The following NRXN1 variants were observed in gnomAD, a reference collection of about 807,000 sequenced individuals.
NRXN1 encodes neurexin-1.
In NRXN1, 39 loss-of-function variants were observed where a neutral mutation model predicts 150.9. That is an observed-to-expected ratio of 0.26 (90% CI 0.20 to 0.34). NRXN1 has a LOEUF of 0.34. Among genes scored for constraint, NRXN1 ranks in the 10% least tolerant of loss-of-function variants. The pLI is 1.00. For missense variants in NRXN1, 1,815 were observed against 1,949.9 expected (o/e 0.93, Z 1.30); for synonymous variants, 924 against 757.0 (o/e 1.22, Z -3.62).
intron 5 of NRXN1, among the ~76,000 whole-genome samples, chr2:50,697,700 C>A (rs1227418492): frequency 6.6e-6 from 1 of 152,118 alleles, no homozygotes; most frequent in Non-Finnish European, 1.5e-5. Flanking sequence ...TTCTTCAAAT[C>A]CTCAAATAAT....
At chr2:50,647,021 C>T (rs1684914398) in intron 5 of NRXN1, among the ~76,000 whole-genome samples, 1 of 149,396 alleles carries the variant, frequency 6.7e-6, no homozygotes, top group Admixed American at 6.7e-5. Context: ...TTTGAGAGGG[C>T]AATTTTTTTT....
chr2:51,006,012 T>G (rs1239407647), intron 2 of NRXN1, among the ~76,000 whole-genome samples: 1 of 151,368 alleles, frequency 6.6e-6, no homozygotes, highest in African/African-American at 2.4e-5. Flanking sequence ...CAAAACAGAC[T>G]TTAGGTCAAA....
chr2:50,251,371 T>C (rs2067059016), intron 17 of NRXN1, among the ~76,000 whole-genome samples: 2 of 151,868 alleles, frequency 1.3e-5, no homozygotes, highest in Non-Finnish European at 2.9e-5. Context: ...TCAGTCCTTT[T>C]TATGGCTACA....
chr2:50,585,386 G>A (rs1025114257), intron 8 of NRXN1, among the ~76,000 whole-genome samples: 6 of 152,132 alleles, frequency 3.9e-5, no homozygotes, highest in African/African-American at 1.4e-4. Context: ...AGAATATGTG[G>A]TGTTGTTTAA....
chr2:50,067,248 T>C (rs1695500809), intron 19 of NRXN1, among the ~76,000 whole-genome samples: 1 of 152,224 alleles, frequency 6.6e-6, no homozygotes, highest in Admixed American at 6.5e-5. Flanking sequence ...AATTTCTTCC[T>C]TCACATCCCT....
At chr2:50,969,676 G>A (rs1244011732) in intron 2 of NRXN1, among the ~76,000 whole-genome samples, 1 of 152,106 alleles carries the variant, frequency 6.6e-6, no homozygotes, top group African/African-American at 2.4e-5. Context: ...TCTAAATTTA[G>A]GACAATTGAG....
intron 21 of NRXN1, among the ~76,000 whole-genome samples, chr2:49,978,113 GAT>G (rs1679313215): frequency 1.3e-5 from 2 of 152,100 alleles, no homozygotes; most frequent in African/African-American, 4.8e-5. Context: ...AGTGAGCTGA[GAT>G]TGCACCACCG....
At chr2:50,447,222 T>C (rs202078678) in intron 17 of NRXN1, among the ~76,000 whole-genome samples, 2 of 151,876 alleles carry the variant, frequency 1.3e-5, no homozygotes, top group African/African-American at 4.8e-5. Context: ...GCCTGTAATC[T>C]CAGCACTTTG....
chr2:50,596,637 T>C (rs1282498522), intron 8 of NRXN1, among the ~76,000 whole-genome samples: 1 of 152,180 alleles, frequency 6.6e-6, no homozygotes, highest in Admixed American at 6.5e-5. Flanking sequence ...AAGAAAGGGC[T>C]CAGCCAGGTC....
chr2:50,441,584 G>A (rs182655004), intron 17 of NRXN1, among the ~76,000 whole-genome samples: 6 of 152,140 alleles, frequency 3.9e-5, no homozygotes, highest in African/African-American at 1.4e-4. Flanking sequence ...AATAGGAAAA[G>A]AATGGGGTTG....
chr2:50,263,689 T>C (rs113129794), intron 17 of NRXN1, among the ~76,000 whole-genome samples: 1 of 152,176 alleles, frequency 6.6e-6, no homozygotes, highest in African/African-American at 2.4e-5. Flanking sequence ...ATAAAAACAA[T>C]AAGAACAATA....
chr2:50,281,148 C>CAAAAAAAAAAAAA (rs70946898), intron 17 of NRXN1, among the ~76,000 whole-genome samples: 1 of 107,144 alleles, frequency 9.3e-6, no homozygotes, highest in African/African-American at 3.4e-5. Flanking sequence ...ACTAAAAATA[C>CAAAAAAAAAAAAA]AAAAAAAAAA....
intron 17 of NRXN1, among the ~76,000 whole-genome samples, chr2:50,418,471 C>A (rs1457803996): frequency 6.6e-6 from 1 of 152,062 alleles, no homozygotes; most frequent in Non-Finnish European, 1.5e-5. Flanking sequence ...AAAGTTATTT[C>A]TTTGAGTGAC....
At chr2:50,943,561 C>T (rs892924055) in intron 2 of NRXN1, among the ~76,000 whole-genome samples, 1 of 152,116 alleles carries the variant, frequency 6.6e-6, no homozygotes, top group Non-Finnish European at 1.5e-5. Flanking sequence ...TGAATTATCA[C>T]CCTAAGCAAG....
intron 8 of NRXN1, among the ~76,000 whole-genome samples, chr2:50,601,346 T>C (rs1676234157): frequency 6.6e-6 from 1 of 152,182 alleles, no homozygotes; most frequent in Non-Finnish European, 1.5e-5. Context: ...TTTTTGAGAA[T>C]TTAACTCTTG....
At chr2:50,968,405 C>G (rs1488306617) in intron 2 of NRXN1, among the ~76,000 whole-genome samples, 1 of 152,000 alleles carries the variant, frequency 6.6e-6, no homozygotes, top group African/African-American at 2.4e-5. Context: ...TGGAAGTGAC[C>G]AAAATGAACT....
At chr2:50,509,879 G>T (rs755072443) in intron 12 of NRXN1, among the ~76,000 whole-genome samples, 2 of 152,032 alleles carry the variant, frequency 1.3e-5, no homozygotes, top group Non-Finnish European at 2.9e-5. Context: ...TGAGAAGGTG[G>T]GGCCTTCAAG....
chr2:50,290,624 G>A (rs529392232), intron 17 of NRXN1, among the ~76,000 whole-genome samples: 1 of 152,280 alleles, frequency 6.6e-6, no homozygotes, highest in East Asian at 1.9e-4. Flanking sequence ...CCATGAAGGA[G>A]GCCAAGCCAC....
intron 5 of NRXN1, among the ~76,000 whole-genome samples, chr2:50,725,672 A>T (rs958879484): frequency 6.6e-6 from 1 of 152,194 alleles, no homozygotes. Flanking sequence ...ATCTGAGGTT[A>T]TTCTATTAAA....
Sources: allele counts gnomAD v4.1 joint callset (sites outside exome capture counted in the v4.1 genomes callset), GRCh38; gene constraint gnomAD v4.1.1; transcripts MANE v1.5; gene names NCBI Gene and HGNC (gene_info 2026-07-23, HGNC 2026-07-21).